SLC45A1: variants seen among roughly 807,000 people sequenced by gnomAD.
The protein encoded by SLC45A1 is proton-associated sugar transporter A.
A neutral mutation model predicts 57.6 loss-of-function variants in SLC45A1; 28 were observed. That is an observed-to-expected ratio of 0.49 (90% confidence interval 0.36 to 0.67). The LOEUF (loss-of-function observed/expected upper bound fraction) is 0.67, where lower values mean the gene tolerates loss of function less well. SLC45A1 is among the 30% of genes least tolerant of loss of function. The pLI is 0.00. For missense variants in SLC45A1, 814 were observed against 1,041.5 expected (o/e 0.78, Z 3.01); for synonymous variants, 459 against 471.5 (o/e 0.97, Z 0.34).
At chr1:8,324,193 T>C in intron 1 of SLC45A1, 113 bp from the exon 2 acceptor site, 1 of 990,500 alleles carries the variant, frequency 1.0e-6, no homozygotes. Context: ...AGCAGTGCAT[T>C]CTGCTTTCGG....
rs1485626604 is a variant in SLC45A1 at position 8,330,528 on chromosome 1, G to A, written c.1035G>A (p.Thr345=). The A allele has an allele frequency of 9.3e-6, 15 of 1,613,210 alleles. No homozygotes were observed. Among genetic ancestry groups the A allele is most frequent in the East Asian group, 2.2e-5 (1 of 44,876 alleles). Reference sequence around the variant, plus strand: ...CCATCTCGCCGCCCAGCCCCCTCACGCCCAAGTACGGCAGCTTCATCAGCA... The same window carrying A: ...CCATCTCGCCGCCCAGCCCCCTCACACCCAAGTACGGCAGCTTCATCAGCA... ...SSPISPPSPL[T]PKYGSFISRD... is the part of the protein sequence containing the mutation. The change falls in exon 5 of 9, where the codon ACG becomes ACA. Residue 345 remains threonine (T), a synonymous_variant. Transcript: ENST00000471889. This position sits in a 1 kb window ranked among gnomAD's most constrained non-coding sequence, Gnocchi z 8.4.
In SLC45A1 at chr1:8,324,500, T is replaced by TCCCGGGCCCCCCCCC; in HGVS notation, c.174_175insGGGCCCCCCCCCCCC (p.Pro58_Ser59insGlyProProProPro). 1 of 1,610,712 alleles carries TCCCGGGCCCCCCCCC rather than the reference T, an allele frequency of 6.2e-7. No homozygotes were observed. Among genetic ancestry groups the TCCCGGGCCCCCCCCC allele is most frequent in the Non-Finnish European group, 8.5e-7 (1 of 1,178,930 alleles). ...ACCCCAAGAGGAGGAAGTGCATTCG[T>TCCCGGGCCCCCCCCC]CCCTCCCCACCCCCGCCCCCCAACA... is the stretch of plus-strand genomic sequence containing the variant. On this transcript the variant is annotated inframe_insertion, in exon 2 of 9. Transcript: ENST00000471889.
chr1:8,333,533 C>G (rs1640490344), intron 5 of SLC45A1, among the ~76,000 whole-genome samples: 1 of 152,102 alleles, frequency 6.6e-6, no homozygotes, highest in Non-Finnish European at 1.5e-5. Flanking sequence ...TCTGCCAGGC[C>G]CAAGTGATCC....
chr1:8,337,723 T>C, intron 6 of SLC45A1, 93 bp from the exon 7 acceptor site: 1 of 1,246,462 alleles, frequency 8.0e-7, no homozygotes, highest in Non-Finnish European at 1.1e-6. Context: ...CAGCTGCTCA[T>C]TACTTTTATA....
chr1:8,339,496 T>C lies in SLC45A1; in HGVS notation c.1778T>C (p.Ile593Thr), dbSNP rs1487878476. 5 of 1,614,100 alleles carry C rather than the reference T, an allele frequency of 3.1e-6. No homozygotes were observed. Among genetic ancestry groups the C allele is most frequent in the Non-Finnish European group, 4.2e-6 (5 of 1,180,012 alleles). Residue 593 changes from isoleucine (I) to threonine (T), a missense_variant, in exon 8 of 9, where the codon ATC becomes ACC. Transcript: ENST00000471889. ...YAFSAAFYSAILEKLEEFLSV... is the reference protein window; with the variant it reads ...YAFSAAFYSATLEKLEEFLSV... ...TCACCCTCTCTGTGGCCCGCAGCTA[T>C]CCTGGAGAAGCTGGAGGAGTTCCTC...
chr1:8,339,360 CTGGG>C, intron 7 of SLC45A1, 129 bp from the exon 8 acceptor site: 1 of 793,272 alleles, frequency 1.3e-6, no homozygotes, highest in South Asian at 1.6e-5. Context: ...ACTTTCTGGT[CTGGG>C]GCAAGTGACC....
At position 8,328,689 on chromosome 1, in the gene SLC45A1, A is replaced by G. The variant is rs1306951047; in HGVS notation, c.716-1520A>G. ...CCCCATCTCTACTAAACATACAAAA[A>G]TTAGCCGGGCGTGGTGGTGAGCGCC... On this transcript the variant is annotated intron_variant, in intron 4 of 8. Coordinates refer to ENST00000471889, the MANE Select transcript of SLC45A1 (RefSeq NM_001080397.3). This position sits in a 1 kb window ranked among gnomAD's most constrained non-coding sequence, Gnocchi z 4.6. 6.6e-6 allele frequency among the ~76,000 whole-genome samples: 1 copy of G among 151,326 alleles called. No homozygotes were observed. The highest frequency in any genetic ancestry group is 1.5e-5 in the Non-Finnish European group (1 of 67,828).
Position 8,344,014 on chromosome 1 carries a change from C to G in SLC45A1, c.*1C>G. On this transcript the variant is annotated 3_prime_UTR_variant, in exon 9 of 9. Coordinates refer to ENST00000471889, the MANE Select transcript of SLC45A1 (RefSeq NM_001080397.3). Reference sequence around the variant, plus strand: ...CCGGCCCCTCCTGCTGAACGTCTGACATCGCGGAGCCTCGACTCCGGACAC... The same window carrying G: ...CCGGCCCCTCCTGCTGAACGTCTGAGATCGCGGAGCCTCGACTCCGGACAC... 1 of 1,603,088 alleles carries G rather than the reference C, an allele frequency of 6.2e-7. No homozygotes were observed. Among genetic ancestry groups the G allele is most frequent in the Non-Finnish European group, 8.5e-7 (1 of 1,173,014 alleles).
chr1:8,324,924 CAG>C (rs1640150861), intron 2 of SLC45A1, among the ~76,000 whole-genome samples, 198 bp downstream of exon 2: 2 of 152,162 alleles, frequency 1.3e-5, no homozygotes, highest in South Asian at 4.1e-4. Flanking sequence ...GACAATAGAA[CAG>C]GGATTTAGCA....
chr1:8,331,195 G>A (rs970903399), intron 5 of SLC45A1, among the ~76,000 whole-genome samples: 1 of 151,982 alleles, frequency 6.6e-6, no homozygotes, highest in African/African-American at 2.4e-5. Context: ...GGGCAACGTG[G>A]CGAAACCCCG....
At chr1:8,322,034 AGTGGGTGGGTGGG>A (rs1640030374) in intron 1 of SLC45A1, among the ~76,000 whole-genome samples, 1 of 7,302 alleles carries the variant, frequency 1.4e-4, no homozygotes, top group Non-Finnish European at 2.3e-4. Context: ...TGGATGGGTG[AGTGGGTGGGTGGG>A]TGGATGGATG....
chr1:8,340,927 T>C (rs1236455602), intron 8 of SLC45A1, among the ~76,000 whole-genome samples: 1 of 151,948 alleles, frequency 6.6e-6, no homozygotes, highest in Non-Finnish European at 1.5e-5. Context: ...GCGTGGTGGC[T>C]CACACCTGTA....
At position 8,343,923 on chromosome 1, in the gene SLC45A1, C is replaced by T; in HGVS notation, c.2157C>T (p.Gly719=). 1.2e-6 allele frequency: 2 copies of T among 1,614,164 alleles called. No individual in the cohort carries two copies. The highest frequency in any genetic ancestry group is 1.7e-6 in the Non-Finnish European group (2 of 1,180,026). The change falls in exon 9 of 9, where the codon GGC becomes GGT. Residue 719 remains glycine, a synonymous_variant. Transcript: ENST00000471889. The surrounding 1 kb of genome is among the most constrained non-coding windows in gnomAD (Gnocchi z 7.7). Reference sequence around the variant, plus strand: ...TCTCCAGCCTCGTGTCCTTCCTGGGCTGCCTGTACTCCTCCCTGTTTGTCA... The same window carrying T: ...TCTCCAGCCTCGTGTCCTTCCTGGGTTGCCTGTACTCCTCCCTGTTTGTCA... The part of the protein sequence containing the change: ...MYFSSLVSFL[G]CLYSSLFVIY...
intron 1 of SLC45A1, among the ~76,000 whole-genome samples, chr1:8,319,205 A>G (rs1639916901): frequency 6.6e-6 from 1 of 152,208 alleles, no homozygotes; most frequent in African/African-American, 2.4e-5. Context: ...GCTTGAACCC[A>G]GGAGGCGGAG....
At chr1:8,340,975 G>A (rs1163700224) in intron 8 of SLC45A1, among the ~76,000 whole-genome samples, 1 of 151,968 alleles carries the variant, frequency 6.6e-6, no homozygotes, top group Non-Finnish European at 1.5e-5. Context: ...GGTGGATCAC[G>A]AGGTCAGGAG....
At chr1:8,342,874 G>A (rs2124332599) in intron 8 of SLC45A1, among the ~76,000 whole-genome samples, 1 of 148,148 alleles carries the variant, frequency 6.8e-6, no homozygotes. Flanking sequence ...ACTCCAGCCT[G>A]GGCAACAGAG....
intron 8 of SLC45A1, among the ~76,000 whole-genome samples, chr1:8,342,210 T>TA (rs1557571170): frequency 6.6e-6 from 1 of 151,890 alleles, no homozygotes; most frequent in Non-Finnish European, 1.5e-5. Flanking sequence ...CCGTCTCAAA[T>TA]AAATACATAC....
intron 5 of SLC45A1, among the ~76,000 whole-genome samples, chr1:8,331,744 C>T (rs1191344078): frequency 6.6e-6 from 1 of 151,722 alleles, no homozygotes; most frequent in Admixed American, 6.6e-5. Flanking sequence ...TTCAGGACAT[C>T]TGTTAGGTAT....
Position 8,325,945 on chromosome 1 carries a change from C to A in SLC45A1, c.618C>A (p.Ser206Arg). 6.2e-7 allele frequency: 1 copy of A among 1,613,630 alleles called. No individual in the cohort carries two copies. Among genetic ancestry groups the A allele is most frequent in the South Asian group, 1.1e-5 (1 of 91,084 alleles). ...TVCGVVLMDFSADSADNPSHA... is the reference protein window; with the variant it reads ...TVCGVVLMDFRADSADNPSHA... ...GCGGTGTGGTGCTGATGGACTTTAG[C>A]GCCGACTCGGCGGACAACCCCAGCC... The change falls in exon 4 of 9, where the codon AGC becomes AGA. Residue 206 changes from serine (S) to arginine (R), a missense_variant. Ser to Arg is a moderately radical substitution (Grantham distance 110, BLOSUM62 -1). Coordinates refer to ENST00000471889, the MANE Select transcript of SLC45A1 (RefSeq NM_001080397.3). This position sits in a 1 kb window ranked among gnomAD's most constrained non-coding sequence, Gnocchi z 6.3.
Sources: gnomAD v4.1 joint callset for allele counts (sites outside exome capture counted in the v4.1 genomes callset) on GRCh38, gnomAD v4.1.1 for gene constraint, Gnocchi (gnomAD v3.1) non-coding constraint, MANE v1.5 for transcripts, NCBI Gene and HGNC (gene_info 2026-07-23, HGNC 2026-07-21) for gene names.